The following RPRD1A variants were observed in gnomAD, a reference collection of about 807,000 sequenced individuals.
RPRD1A encodes the protein regulation of nuclear pre-mRNA domain containing 1A, also known as regulation of nuclear pre-mRNA domain-containing protein 1A.
In RPRD1A, 9 loss-of-function variants were observed where a neutral mutation model predicts 37.8. That is an observed-to-expected ratio of 0.24 (90% CI 0.14 to 0.42). The LOEUF (loss-of-function observed/expected upper bound fraction) is 0.42, where lower values mean the gene tolerates loss of function less well. Among genes scored for constraint, RPRD1A ranks in the 10% least tolerant of loss-of-function variants. RPRD1A has a pLI of 1.00. For synonymous variants in RPRD1A, 138 were observed against 139.7 expected, an observed-to-expected ratio of 0.99 and a Z score of 0.08; for missense variants, 255 against 371.0, an observed-to-expected ratio of 0.69 and a Z score of 2.57.
intron 1 of RPRD1A, among the ~76,000 whole-genome samples, chr18:36,048,956 C>A (rs1453953552): frequency 6.6e-6 from 1 of 152,224 alleles, no homozygotes; most frequent in Non-Finnish European, 1.5e-5. Context: ...GGCTGGAGTG[C>A]AGTGGCATGA....
chr18:36,032,821 T>C (rs940534764), intron 2 of RPRD1A, among the ~76,000 whole-genome samples: 1 of 151,908 alleles, frequency 6.6e-6, no homozygotes, highest in Non-Finnish European at 1.5e-5. Context: ...AAGGACATAA[T>C]GAGTTCTGTA....
At chr18:36,051,814 A>C (rs986320700) in intron 1 of RPRD1A, among the ~76,000 whole-genome samples, 1 of 152,186 alleles carries the variant, frequency 6.6e-6, no homozygotes, top group Non-Finnish European at 1.5e-5. Flanking sequence ...CAGAAAGAAA[A>C]AGAATGAAGA....
rs1219865966 is a variant in RPRD1A, at chr18:35,993,231, G to C, written c.859C>G (p.Pro287Ala). The C allele has an allele frequency of 1.9e-6, 3 of 1,614,044 alleles. No homozygotes were observed. Among genetic ancestry groups the C allele is most frequent in the Non-Finnish European group, 2.5e-6 (3 of 1,180,016 alleles). ...KELRSRIQSL[P>A]DLSRLPNVTG... is the part of the protein sequence containing the mutation. ...ACATTGGGCAATCGAGATAAGTCTG[G>C]CAGGCTCTGGATCCGGGACCTGAGT... The change falls in exon 7 of 7, where the codon CCA (proline) becomes GCA (alanine). Residue 287 changes from proline (P) to alanine (A), a missense_variant. Pro to Ala is a conservative substitution (Grantham distance 27, BLOSUM62 -1). Coordinates refer to ENST00000399022, the MANE Select transcript of RPRD1A (RefSeq NM_018170.5).
chr18:36,004,397 G>A (rs555673435), intron 6 of RPRD1A, among the ~76,000 whole-genome samples: 6 of 152,154 alleles, frequency 3.9e-5, no homozygotes, highest in African/African-American at 1.4e-4. Flanking sequence ...TAGGACTACA[G>A]GCGCACACCA....
intron 1 of RPRD1A, among the ~76,000 whole-genome samples, chr18:36,043,827 T>C (rs1177724542): frequency 6.6e-6 from 1 of 152,130 alleles, no homozygotes; most frequent in Non-Finnish European, 1.5e-5. Context: ...GAAACAATTA[T>C]TAAAGTACAG....
chr18:36,031,257 A>G (rs988144747), intron 2 of RPRD1A, among the ~76,000 whole-genome samples, 160 bp from the exon 3 acceptor site: 2 of 152,214 alleles, frequency 1.3e-5, no homozygotes, highest in African/African-American at 4.8e-5. Flanking sequence ...AGCAGCTCAA[A>G]AGTGAAGTGA....
At chr18:36,026,117 A>G (rs532030288) in intron 6 of RPRD1A, 33 of 155,496 alleles carry the variant, frequency 2.1e-4, no homozygotes, top group African/African-American at 7.9e-4. Context: ...ACACTAATAA[A>G]AATAACTTAA....
At chr18:36,016,037 A>G (rs895330552) in intron 6 of RPRD1A, among the ~76,000 whole-genome samples, 2 of 152,230 alleles carry the variant, frequency 1.3e-5, no homozygotes, top group Admixed American at 1.3e-4. Flanking sequence ...TCTACTAGTT[A>G]CTTTCAATCA....
chr18:36,040,145 T>C (rs531949731), intron 1 of RPRD1A, among the ~76,000 whole-genome samples: 2 of 152,346 alleles, frequency 1.3e-5, no homozygotes, highest in South Asian at 2.1e-4. Flanking sequence ...TTAAGTGTAA[T>C]TTAATTATCT....
rs1043468225 is a variant in RPRD1A at position 35,991,504 on chromosome 18, A to G, written c.*1647T>C. The G allele has an allele frequency of 1.3e-5, 2 of 152,232 alleles. No homozygotes were observed. The highest frequency in any genetic ancestry group is 1.5e-5 in the Non-Finnish European group (1 of 68,044). The allele number at this position is 152,232 out of a possible 1,614,324, so 9.4% of individuals were successfully genotyped here. On this transcript the variant is annotated 3_prime_UTR_variant, in exon 7 of 7. Coordinates refer to ENST00000399022, the MANE Select transcript of RPRD1A (RefSeq NM_018170.5). ...TTAGTAACCTGTGAACCACGTTACA[A>G]GTGAAGGACATTCATGGTTAGGTGG...
intron 1 of RPRD1A, among the ~76,000 whole-genome samples, chr18:36,040,007 C>G (rs971276585): frequency 1.3e-5 from 2 of 152,056 alleles, no homozygotes; most frequent in African/African-American, 4.8e-5. Flanking sequence ...AAACAAAAAT[C>G]TATTAAAGAT....
Position 35,992,711 on chromosome 18 carries a change from A to G in RPRD1A, c.*440T>C, listed in dbSNP as rs1048245308. Reference sequence around the variant, plus strand: ...GTTGGAACATTTAGTCCCTTCTACAATCAAGTCCTAACTATACCATAATAA... The same window carrying G: ...GTTGGAACATTTAGTCCCTTCTACAGTCAAGTCCTAACTATACCATAATAA... On this transcript the variant is annotated 3_prime_UTR_variant, in exon 7 of 7. Transcript: ENST00000399022. 1 of 152,952 alleles carries G rather than the reference A, an allele frequency of 6.5e-6. No homozygotes were observed. The highest frequency in any genetic ancestry group is 1.5e-5 in the Non-Finnish European group (1 of 68,294). 9.5% of individuals were successfully genotyped at this position (152,952 alleles called of 1,614,324 possible).
chr18:36,000,839 A>G (rs1032899681), intron 6 of RPRD1A, among the ~76,000 whole-genome samples: 1 of 152,226 alleles, frequency 6.6e-6, no homozygotes, highest in Non-Finnish European at 1.5e-5. Context: ...CTGTCTTCAG[A>G]GTCCTCATGC....
chr18:35,999,736 A>G (rs188968613), intron 6 of RPRD1A, among the ~76,000 whole-genome samples: 5 of 152,280 alleles, frequency 3.3e-5, no homozygotes, highest in African/African-American at 9.6e-5. Flanking sequence ...TACTTACTGT[A>G]TTGCAGACCT....
intron 6 of RPRD1A, chr18:36,025,428 AG>A: frequency 3.1e-6 from 1 of 324,532 alleles, no homozygotes; most frequent in Non-Finnish European, 6.0e-6. Context: ...CTGGGGGAAA[AG>A]GGGGTTGTGG....
At chr18:36,045,519 T>C (rs1302360536) in intron 1 of RPRD1A, among the ~76,000 whole-genome samples, 2 of 152,218 alleles carry the variant, frequency 1.3e-5, no homozygotes, top group African/African-American at 2.4e-5. Context: ...GTGATACTGA[T>C]GCTGGCAGCC....
chr18:36,027,538 C>A, intron 4 of RPRD1A: 1 of 434,138 alleles, frequency 2.3e-6, no homozygotes, highest in Non-Finnish European at 4.1e-6. Flanking sequence ...TTGAAGAGAG[C>A]TTACTCCAGT....
chr18:36,041,484 T>C (rs1912576482), intron 1 of RPRD1A, among the ~76,000 whole-genome samples: 1 of 152,220 alleles, frequency 6.6e-6, no homozygotes, highest in Admixed American at 6.6e-5. Flanking sequence ...ATTCAGTTCC[T>C]TAACCCTAAG....
At chr18:36,041,769 T>C (rs578174772) in intron 1 of RPRD1A, among the ~76,000 whole-genome samples, 2 of 152,250 alleles carry the variant, frequency 1.3e-5, no homozygotes. Flanking sequence ...TTAGTCAACA[T>C]CTTTGCCACA....
Sources: gnomAD v4.1 joint callset for allele counts (sites outside exome capture counted in the v4.1 genomes callset) on GRCh38, gnomAD v4.1.1 for gene constraint, MANE v1.5 for transcripts, NCBI Gene and HGNC (gene_info 2026-07-23, HGNC 2026-07-21) for gene names.